Variants in CDH2 observed in about 807,000 individuals in gnomAD.
CDH2 encodes the protein cadherin 2, also known as cadherin-2.
Under a neutral mutation model 92.0 loss-of-function variants are expected in CDH2, and 17 were observed. That is an observed-to-expected ratio of 0.18 (90% CI 0.13 to 0.28). The LOEUF (loss-of-function observed/expected upper bound fraction) is 0.28. CDH2 is among the 10% of genes least tolerant of loss of function. CDH2 has a pLI of 1.00. For missense variants in CDH2, 862 were observed against 1,133.1 expected, an observed-to-expected ratio of 0.76 and a Z score of 3.44; for synonymous variants, 419 against 415.9, an observed-to-expected ratio of 1.01 and a Z score of -0.09.
At chr18:27,983,141 T>G in intron 13 of CDH2, 58 bp from the exon 14 acceptor site, 5 of 1,367,994 alleles carry the variant, frequency 3.7e-6, no homozygotes, top group Non-Finnish European at 5.1e-6. Context: ...CTGGCCTATT[T>G]AGTCACAGTA....
intron 2 of CDH2, among the ~76,000 whole-genome samples, chr18:28,029,814 C>G (rs1487674876): frequency 1.3e-5 from 2 of 152,038 alleles, no homozygotes; most frequent in Non-Finnish European, 2.9e-5. Context: ...CCAAATGCTG[C>G]TACACACTCT....
intron 6 of CDH2, among the ~76,000 whole-genome samples, chr18:27,941,164 C>T (rs1010400215): frequency 4.6e-5 from 7 of 151,416 alleles, no homozygotes; most frequent in Admixed American, 2.0e-4. Context: ...GCCTCCCGAG[C>T]AGCTGGGACT....
intron 2 of CDH2, chr18:28,036,612 C>T: frequency 1.8e-6 from 2 of 1,130,570 alleles, no homozygotes; most frequent in Non-Finnish European, 1.3e-6. Context: ...ATAGGTATGT[C>T]AGAATGAAAG....
intron 6 of CDH2, among the ~76,000 whole-genome samples, chr18:27,938,300 G>A (rs1263557961): frequency 6.6e-6 from 1 of 151,988 alleles, no homozygotes; most frequent in Non-Finnish European, 1.5e-5. Flanking sequence ...CCAGTCTCAG[G>A]TATTTCTTTA....
intron 2 of CDH2, among the ~76,000 whole-genome samples, chr18:28,045,160 T>G (rs993731156): frequency 6.6e-6 from 1 of 152,162 alleles, no homozygotes; most frequent in African/African-American, 2.4e-5. Flanking sequence ...CTCATCCAAC[T>G]GGTCTTCAAG....
chr18:27,936,091 A>C (rs1909012150), intron 6 of CDH2, among the ~76,000 whole-genome samples: 1 of 152,214 alleles, frequency 6.6e-6, no homozygotes, highest in Non-Finnish European at 1.5e-5. Flanking sequence ...TCTTGACAAT[A>C]GAAGACAGAG....
chr18:27,955,761 G>GGTTTTTTTTTTTTT (rs2011229791), intron 15 of CDH2, among the ~76,000 whole-genome samples: 1 of 111,716 alleles, frequency 9.0e-6, no homozygotes, highest in East Asian at 2.8e-4. Context: ...CTTTATTTCT[G>GGTTTTTTTTTTTTT]TTTTTTTTTT....
chr18:28,069,574 C>T (rs1161068261), intron 2 of CDH2, among the ~76,000 whole-genome samples: 3 of 152,052 alleles, frequency 2.0e-5, no homozygotes, highest in Admixed American at 2.0e-4. Context: ...CTTAAACATT[C>T]CTCCCTCAGA....
At chr18:28,058,833 C>T (rs748526440) in intron 2 of CDH2, among the ~76,000 whole-genome samples, 9 of 152,140 alleles carry the variant, frequency 5.9e-5, no homozygotes, top group South Asian at 2.1e-4. Context: ...AGTCATGGAA[C>T]GCTAGATTGC....
chr18:28,174,494 G>A (rs17495410), intron 1 of CDH2, among the ~76,000 whole-genome samples: 8 of 152,192 alleles, frequency 5.3e-5, no homozygotes, highest in Non-Finnish European at 7.3e-5. Context: ...TTGTACTCAT[G>A]AATTAGAGGA....
chr18:28,163,606 C>T lies in CDH2; in HGVS notation c.60+13357G>A, dbSNP rs17495307. 5.9e-3 allele frequency among the ~76,000 whole-genome samples: 899 copies of T among 152,346 alleles called. 6 individuals are homozygous for T. Among genetic ancestry groups the T allele is most frequent in the African/African-American group, 0.015 (644 of 41,584 alleles). On this transcript the variant is annotated intron_variant, in intron 1 of 15. Transcript: ENST00000269141. The stretch of plus-strand genomic sequence containing the variant: ...AGCAGCAAAAAACTGAAACCACACA[C>T]GCAAGTCCATCAACAATAAACCAAA...
chr18:27,933,643 T>C (rs975453933), intron 6 of CDH2, among the ~76,000 whole-genome samples: 7 of 152,218 alleles, frequency 4.6e-5, no homozygotes, highest in African/African-American at 1.7e-4. Context: ...CCCAACATTG[T>C]GGCTTTTACT....
intron 7 of CDH2, among the ~76,000 whole-genome samples, chr18:27,999,665 T>TAC (rs1354129673): frequency 2.1e-5 from 3 of 143,516 alleles, no homozygotes; most frequent in African/African-American, 7.4e-5. Context: ...TATATATATA[T>TAC]ACATATATAC....
At chr18:27,944,208 C>T (rs997478546) in intron 6 of CDH2, among the ~76,000 whole-genome samples, 4 of 152,066 alleles carry the variant, frequency 2.6e-5, no homozygotes, top group Middle Eastern at 6.3e-3. Flanking sequence ...ATGCAAACTA[C>T]CTTTCTCACA....
chr18:28,157,726 A>G (rs1463512468), intron 1 of CDH2, among the ~76,000 whole-genome samples: 1 of 152,202 alleles, frequency 6.6e-6, no homozygotes, highest in East Asian at 1.9e-4. Context: ...TGATTCTCGC[A>G]TACGATATGT....
chr18:28,007,930 C>T (rs2012987598), intron 5 of CDH2, among the ~76,000 whole-genome samples: 1 of 152,116 alleles, frequency 6.6e-6, no homozygotes, highest in Non-Finnish European at 1.5e-5. Context: ...GACAGGGTTT[C>T]ACCATGTTGG....
intron 2 of CDH2, among the ~76,000 whole-genome samples, chr18:28,018,247 A>G (rs2013308620): frequency 6.6e-6 from 1 of 152,108 alleles, no homozygotes; most frequent in Non-Finnish European, 1.5e-5. Context: ...ACACAAACAA[A>G]TGGAAACACA....
At chr18:28,161,624 A>G (rs2016308048) in intron 1 of CDH2, among the ~76,000 whole-genome samples, 1 of 151,522 alleles carries the variant, frequency 6.6e-6, no homozygotes, top group African/African-American at 2.4e-5. Flanking sequence ...ATCTTCCAAG[A>G]CTTCAAGAAG....
chr18:27,993,342 C>T (rs1257901406), intron 8 of CDH2, among the ~76,000 whole-genome samples, 158 bp downstream of exon 8: 1 of 152,146 alleles, frequency 6.6e-6, no homozygotes, highest in Admixed American at 6.5e-5. Flanking sequence ...TTGGATGCCT[C>T]ACGTAAGGCC....
Sources: allele counts gnomAD v4.1 joint callset (sites outside exome capture counted in the v4.1 genomes callset), GRCh38; gene constraint gnomAD v4.1.1; transcripts MANE v1.5; gene names NCBI Gene and HGNC (gene_info 2026-07-23, HGNC 2026-07-21).